The following CCSER1 variants were observed in gnomAD, a reference collection of about 807,000 sequenced individuals.
CCSER1 encodes the protein serine-rich coiled-coil domain-containing protein 1.
CCSER1 carries 41 observed loss-of-function variants against 82.0 expected under a neutral mutation model. That is an observed-to-expected ratio of 0.50 (90% CI 0.39 to 0.65). The LOEUF (loss-of-function observed/expected upper bound fraction) is 0.65, where lower values mean the gene tolerates loss of function less well. Among genes scored for constraint, CCSER1 ranks in the 30% least tolerant of loss-of-function variants. The pLI is 0.00. For synonymous variants in CCSER1, 414 were observed against 383.9 expected, an observed-to-expected ratio of 1.08 and a Z score of -0.92; for missense variants, 1,119 against 1,064.2, an observed-to-expected ratio of 1.05 and a Z score of -0.72.
chr4:90,953,690 G>T (rs1733149404), intron 9 of CCSER1, among the ~76,000 whole-genome samples: 1 of 151,718 alleles, frequency 6.6e-6, no homozygotes, highest in African/African-American at 2.4e-5. Flanking sequence ...ACATCCATGT[G>T]TATATACTTT....
intron 8 of CCSER1, among the ~76,000 whole-genome samples, chr4:90,904,969 T>C (rs975832300): frequency 6.6e-6 from 1 of 152,132 alleles, no homozygotes; most frequent in African/African-American, 2.4e-5. Context: ...ATCAGGAATA[T>C]CACCATCAAC....
At chr4:90,684,019 T>G (rs867167703) in intron 6 of CCSER1, among the ~76,000 whole-genome samples, 1 of 152,180 alleles carries the variant, frequency 6.6e-6, no homozygotes, top group African/African-American at 2.4e-5. Context: ...TTTTGTTTTG[T>G]TTGTACTCTA....
At chr4:90,742,091 C>CAG (rs139712842) in intron 7 of CCSER1, among the ~76,000 whole-genome samples, 22 of 149,118 alleles carry the variant, frequency 1.5e-4, no homozygotes, top group African/African-American at 2.4e-4. Flanking sequence ...GAGAGGGAGA[C>CAG]AGAGAGAGAG....
chr4:90,132,175 T>A (rs1427896312), intron 1 of CCSER1, among the ~76,000 whole-genome samples: 1 of 152,236 alleles, frequency 6.6e-6, no homozygotes, highest in African/African-American at 2.4e-5. Flanking sequence ...ATGGAATGAT[T>A]CCCCATGTAG....
intron 4 of CCSER1, among the ~76,000 whole-genome samples, chr4:90,420,445 A>G (rs114837518): frequency 0.016 from 2,438 of 152,136 alleles, 32 homozygotes; most frequent in South Asian, 0.03. Flanking sequence ...GCTTGTAATA[A>G]AGAGATGACT....
intron 1 of CCSER1, among the ~76,000 whole-genome samples, chr4:90,149,589 A>G (rs1337835046): frequency 1.3e-5 from 2 of 152,182 alleles, no homozygotes; most frequent in Admixed American, 6.6e-5. Context: ...AGAAAGGGAA[A>G]GCAAGTAATT....
At chr4:90,396,553 T>C (rs144530598) in intron 3 of CCSER1, among the ~76,000 whole-genome samples, 40 of 152,218 alleles carry the variant, frequency 2.6e-4, no homozygotes, top group African/African-American at 9.4e-4. Context: ...TAGTAGTACC[T>C]TTTTATATCC....
At chr4:91,231,211 C>T (rs1413277485) in intron 10 of CCSER1, among the ~76,000 whole-genome samples, 2 of 151,650 alleles carry the variant, frequency 1.3e-5, no homozygotes, top group Non-Finnish European at 3.0e-5. Flanking sequence ...AGTGAATGGT[C>T]GTTGAAAGGG....
chr4:90,299,749 C>T (rs1246115603), intron 1 of CCSER1, among the ~76,000 whole-genome samples: 1 of 152,116 alleles, frequency 6.6e-6, no homozygotes, highest in Non-Finnish European at 1.5e-5. Flanking sequence ...ATAGCATGGT[C>T]TTTCTAGTAG....
chr4:91,088,134 A>T (rs1323256823), intron 10 of CCSER1, among the ~76,000 whole-genome samples: 20 of 152,108 alleles, frequency 1.3e-4, no homozygotes. Flanking sequence ...TTGAAATGTG[A>T]GGGTTTAGAA....
intron 10 of CCSER1, among the ~76,000 whole-genome samples, chr4:91,468,305 A>G (rs897574617): frequency 6.6e-6 from 1 of 152,168 alleles, no homozygotes; most frequent in Non-Finnish European, 1.5e-5. Flanking sequence ...TTGAACAATG[A>G]GAACACTTGG....
intron 9 of CCSER1, among the ~76,000 whole-genome samples, chr4:90,957,820 G>T (rs72882881): frequency 0.026 from 3,963 of 150,262 alleles, 115 homozygotes; most frequent in African/African-American, 0.076. Context: ...AAATATTTAG[G>T]CAATACTCAG....
At chr4:90,209,942 G>A (rs1452060621) in intron 1 of CCSER1, among the ~76,000 whole-genome samples, 4 of 151,898 alleles carry the variant, frequency 2.6e-5, no homozygotes, top group African/African-American at 9.7e-5. Flanking sequence ...GGTTTGTGCA[G>A]TACTTTAATC....
intron 10 of CCSER1, among the ~76,000 whole-genome samples, chr4:91,304,810 C>A (rs1357404904): frequency 6.6e-6 from 1 of 151,952 alleles, no homozygotes; most frequent in African/African-American, 2.4e-5. Flanking sequence ...ACTACGTATG[C>A]CTTCTAAGTG....
At chr4:91,440,604 A>G (rs1755053025) in intron 10 of CCSER1, among the ~76,000 whole-genome samples, 1 of 152,228 alleles carries the variant, frequency 6.6e-6, no homozygotes, top group Non-Finnish European at 1.5e-5. Context: ...GGAGAAGGCA[A>G]GAAATAACTA....
intron 10 of CCSER1, among the ~76,000 whole-genome samples, chr4:91,474,320 A>C (rs954102568): frequency 2.6e-5 from 4 of 152,020 alleles, no homozygotes; most frequent in African/African-American, 9.7e-5. Context: ...ACTAGGAAAT[A>C]AAAATGAATT....
chr4:90,511,668 A>G (rs1771532666), intron 5 of CCSER1, among the ~76,000 whole-genome samples: 1 of 152,236 alleles, frequency 6.6e-6, no homozygotes. Context: ...TGCTCTGCAG[A>G]TAATAAAAGA....
rs184635555 is a variant in CCSER1, at chr4:90,913,863, C to A, written c.2095-9507C>A. The stretch of plus-strand genomic sequence containing the variant: ...GCAATCCTAGTCTCTGATAAAACAG[C>A]CTTTAAACCAACAAAAATCAAAAGA... On this transcript the variant is annotated intron_variant, in intron 8 of 10. Transcript: ENST00000509176. 3.4e-4 allele frequency among the ~76,000 whole-genome samples: 52 copies of A among 152,022 alleles called. No individual in the cohort carries two copies. The East Asian group carries it at 9.1e-3, about 27-fold the overall frequency.
chr4:91,291,644 C>T (rs183025811), intron 10 of CCSER1, among the ~76,000 whole-genome samples: 1 of 151,902 alleles, frequency 6.6e-6, no homozygotes, highest in East Asian at 1.9e-4. Flanking sequence ...CTTGCTATCA[C>T]GAGAACAGCA....
Sources: allele counts gnomAD v4.1 joint callset (sites outside exome capture counted in the v4.1 genomes callset), GRCh38; gene constraint gnomAD v4.1.1; transcripts MANE v1.5; gene names NCBI Gene and HGNC (gene_info 2026-07-23, HGNC 2026-07-21).